The following PARD3B variants were observed in gnomAD, a reference collection of about 807,000 sequenced individuals.
PARD3B encodes the protein partitioning defective 3 homolog B.
In PARD3B, 103 loss-of-function variants were observed where a neutral mutation model predicts 130.2. The observed-to-expected ratio is 0.79, with a 90% CI of 0.67 to 0.93. The LOEUF (loss-of-function observed/expected upper bound fraction) is 0.93, where lower values mean the gene tolerates loss of function less well. PARD3B is among the 40% of genes least tolerant of loss of function. PARD3B has a pLI of 0.00. For synonymous variants in PARD3B, 583 were observed against 553.2 expected (o/e 1.05, Z -0.76); for missense variants, 1,609 against 1,499.2 (o/e 1.07, Z -1.21).
At chr2:204,750,595 CACAT>C (rs138390138) in intron 2 of PARD3B, among the ~76,000 whole-genome samples, 3,132 of 149,620 alleles carry the variant, frequency 0.021, 51 homozygotes, top group East Asian at 0.081. Flanking sequence ...CAAAAATACA[CACAT>C]ACATACATAC....
intron 5 of PARD3B, among the ~76,000 whole-genome samples, chr2:205,110,157 T>G (rs1301506749): frequency 6.6e-6 from 1 of 152,168 alleles, no homozygotes; most frequent in Non-Finnish European, 1.5e-5. Context: ...CTTCCATACC[T>G]CAACAAGTGA....
intron 2 of PARD3B, among the ~76,000 whole-genome samples, chr2:204,763,362 T>A (rs929737332): frequency 6.6e-6 from 1 of 152,212 alleles, no homozygotes; most frequent in Non-Finnish European, 1.5e-5. Flanking sequence ...AAGGTTTGAC[T>A]CTATCTGATT....
chr2:204,662,216 A>G (rs933390340), intron 1 of PARD3B, among the ~76,000 whole-genome samples: 1 of 152,212 alleles, frequency 6.6e-6, no homozygotes, highest in Non-Finnish European at 1.5e-5. Context: ...ATTATTTGTT[A>G]TCAAAATCAT....
At chr2:205,526,113 A>G (rs1183586549) in intron 21 of PARD3B, among the ~76,000 whole-genome samples, 2 of 152,146 alleles carry the variant, frequency 1.3e-5, no homozygotes, top group African/African-American at 4.8e-5. Context: ...ACTAGACCCA[A>G]CTGCTTGACA....
intron 2 of PARD3B, among the ~76,000 whole-genome samples, chr2:204,816,101 A>G (rs1206026840): frequency 6.6e-6 from 1 of 151,966 alleles, no homozygotes; most frequent in Non-Finnish European, 1.5e-5. Flanking sequence ...TCTCATCTGT[A>G]GCTTATGAAA....
intron 4 of PARD3B, among the ~76,000 whole-genome samples, chr2:205,056,434 CAT>C (rs1251487207): frequency 6.6e-6 from 1 of 151,900 alleles, no homozygotes; most frequent in East Asian, 1.9e-4. Flanking sequence ...CTTGTGGAAA[CAT>C]ATAGCATCCT....
chr2:205,028,031 C>T (rs1345597755), intron 3 of PARD3B, among the ~76,000 whole-genome samples: 1 of 151,954 alleles, frequency 6.6e-6, no homozygotes. Context: ...TCTTTTTGCT[C>T]AAGATTACTT....
intron 10 of PARD3B, among the ~76,000 whole-genome samples, chr2:205,156,219 A>G (rs1236465499): frequency 2.2e-5 from 3 of 137,196 alleles, no homozygotes; most frequent in Admixed American, 7.8e-5. Context: ...CAATGAGAAC[A>G]CATGGACACA....
chr2:204,933,242 C>T (rs1369092451), intron 2 of PARD3B, among the ~76,000 whole-genome samples: 4 of 152,102 alleles, frequency 2.6e-5, no homozygotes, highest in Non-Finnish European at 5.9e-5. Context: ...GAAAGCTACC[C>T]AGAAACTCTC....
At chr2:204,614,985 G>A (rs2034058249) in intron 1 of PARD3B, among the ~76,000 whole-genome samples, 1 of 152,134 alleles carries the variant, frequency 6.6e-6, no homozygotes, top group Non-Finnish European at 1.5e-5. Flanking sequence ...TCACTTTTAT[G>A]TGAGGTAAAT....
chr2:205,096,817 T>A (rs1702428755), intron 4 of PARD3B, among the ~76,000 whole-genome samples: 1 of 152,038 alleles, frequency 6.6e-6, no homozygotes, highest in South Asian at 2.1e-4. Context: ...CCAAAAAAGG[T>A]TTTTTTTATT....
intron 2 of PARD3B, among the ~76,000 whole-genome samples, chr2:204,695,616 G>T (rs1233429047): frequency 6.6e-6 from 1 of 152,062 alleles, no homozygotes; most frequent in East Asian, 1.9e-4. Flanking sequence ...TGAAATGAAA[G>T]AGTGTGTGGT....
rs1194819664 is a variant in PARD3B, at chr2:205,054,441, T to G, written c.504+6751T>G. Among the ~76,000 whole-genome samples, 25 of 54,908 alleles carry G rather than the reference T, an allele frequency of 4.6e-4. 1 individual carries two copies. The highest frequency in any genetic ancestry group is 5.2e-4 in the Non-Finnish European group (14 of 26,870). 36.0% of individuals were successfully genotyped at this position (54,908 alleles called of 152,430 possible). ...ATATATATATATATATATATATTTTTTTTTTTTTTTTTTTTTAATTATACT... is the reference window on the plus strand; with the variant it reads ...ATATATATATATATATATATATTTTGTTTTTTTTTTTTTTTTAATTATACT... On this transcript the variant is annotated intron_variant, in intron 4 of 22. Transcript: ENST00000406610.
intron 4 of PARD3B, among the ~76,000 whole-genome samples, chr2:205,093,140 C>T (rs1175186895): frequency 6.6e-6 from 1 of 152,164 alleles, no homozygotes; most frequent in Admixed American, 6.5e-5. Flanking sequence ...TGAATCCCCC[C>T]AGAGTCCAGC....
intron 2 of PARD3B, among the ~76,000 whole-genome samples, chr2:204,794,758 T>C (rs542966544): frequency 3.3e-5 from 5 of 152,314 alleles, no homozygotes; most frequent in Admixed American, 2.6e-4. Context: ...ACATGAAAGT[T>C]TAAGTTTCCT....
chr2:205,170,773 T>C (rs1213939472), intron 11 of PARD3B, among the ~76,000 whole-genome samples: 9 of 144,426 alleles, frequency 6.2e-5, no homozygotes, highest in Non-Finnish European at 1.2e-4. Context: ...TGTCTGGCTA[T>C]CTCATTTCTT....
At chr2:205,134,588 T>C (rs1209688089) in intron 10 of PARD3B, among the ~76,000 whole-genome samples, 1 of 152,082 alleles carries the variant, frequency 6.6e-6, no homozygotes, top group Non-Finnish European at 1.5e-5. Context: ...ATGCTGTACC[T>C]TCTCTCACTT....
chr2:205,131,453 C>G lies in PARD3B; in HGVS notation c.1434+5716C>G, dbSNP rs144758020. 2.0e-4 allele frequency among the ~76,000 whole-genome samples: 30 copies of G among 152,178 alleles called. No homozygotes were observed. The East Asian group carries it at 5.8e-3, about 29-fold the overall frequency. Reference sequence around the variant, plus strand: ...TGCATTTTCATTCAACCAGTATGTACTGAATCTTAGTCAAGGCTCTGCAAC... The same window carrying G: ...TGCATTTTCATTCAACCAGTATGTAGTGAATCTTAGTCAAGGCTCTGCAAC... On this transcript the variant is annotated intron_variant, in intron 10 of 22. Coordinates refer to ENST00000406610, the MANE Select transcript of PARD3B (RefSeq NM_001302769.2).
At chr2:204,726,565 C>G (rs2039237600) in intron 2 of PARD3B, among the ~76,000 whole-genome samples, 1 of 152,128 alleles carries the variant, frequency 6.6e-6, no homozygotes, top group African/African-American at 2.4e-5. Flanking sequence ...AACCTTTTAC[C>G]TCTTAGTCCA....
Sources: gnomAD v4.1 joint callset for allele counts (sites outside exome capture counted in the v4.1 genomes callset) on GRCh38, gnomAD v4.1.1 for gene constraint, MANE v1.5 for transcripts, NCBI Gene and HGNC (gene_info 2026-07-23, HGNC 2026-07-21) for gene names.